The following SLIT3 variants were observed in gnomAD, a reference collection of about 807,000 sequenced individuals.
The protein encoded by SLIT3 is slit homolog 3 protein.
SLIT3 carries 68 observed loss-of-function variants against 184.0 expected under a neutral mutation model. That is an observed-to-expected ratio of 0.37 (90% CI 0.30 to 0.45). The LOEUF (loss-of-function observed/expected upper bound fraction) is 0.45, where lower values mean the gene tolerates loss of function less well. SLIT3 is among the 20% of genes least tolerant of loss of function. The probability of loss-of-function intolerance (pLI) is 1.00; values close to 1 mark genes in which losing one functional copy is unlikely to be tolerated. For synonymous variants in SLIT3, 831 were observed against 828.6 expected (o/e 1.00, Z -0.05); for missense variants, 1,707 against 2,026.0 (o/e 0.84, Z 3.02).
intron 3 of SLIT3, among the ~76,000 whole-genome samples, chr5:169,211,224 TTCTGAGGTTG>T (rs1189254933): frequency 4.0e-5 from 6 of 151,808 alleles, no homozygotes; most frequent in Admixed American, 3.3e-4. Flanking sequence ...GCCGCTGAGA[TTCTGAGGTTG>T]TCTGGCTAGA....
chr5:169,057,486 TG>T (rs940830229), intron 4 of SLIT3, among the ~76,000 whole-genome samples: 15 of 152,014 alleles, frequency 9.9e-5, no homozygotes, highest in African/African-American at 3.6e-4. Flanking sequence ...AGAAATAGAG[TG>T]CAAAAGCAGC....
chr5:168,819,556 T>C (rs1172756652), intron 7 of SLIT3, among the ~76,000 whole-genome samples: 1 of 152,200 alleles, frequency 6.6e-6, no homozygotes, highest in Admixed American at 6.6e-5. Context: ...ACAGGGATTC[T>C]CTATGAGCCA....
intron 18 of SLIT3, among the ~76,000 whole-genome samples, chr5:168,750,100 C>A (rs1327869282): frequency 6.6e-6 from 1 of 152,204 alleles, no homozygotes; most frequent in Non-Finnish European, 1.5e-5. Context: ...CTCCCCATAG[C>A]ACCCATGGGA....
At chr5:168,933,551 AAC>A (rs200067748) in intron 4 of SLIT3, among the ~76,000 whole-genome samples, 6,313 of 150,646 alleles carry the variant, frequency 0.042, 228 homozygotes, top group African/African-American at 0.094. Context: ...AAAACAAACA[AAC>A]AAAAAAAACA....
chr5:169,271,801 C>T (rs556392466), intron 1 of SLIT3, among the ~76,000 whole-genome samples: 2 of 152,294 alleles, frequency 1.3e-5, no homozygotes, highest in South Asian at 2.1e-4. Context: ...AGAGGAAGAA[C>T]CCTTGGGGCA....
At chr5:169,229,236 CA>C (rs1029797702) in intron 3 of SLIT3, among the ~76,000 whole-genome samples, 9 of 151,446 alleles carry the variant, frequency 5.9e-5, no homozygotes, top group Admixed American at 1.3e-4. Flanking sequence ...CAAATTCTAC[CA>C]AAAAAATGGA....
At chr5:169,266,927 GT>G (rs1766415743) in intron 1 of SLIT3, among the ~76,000 whole-genome samples, 2 of 152,200 alleles carry the variant, frequency 1.3e-5, no homozygotes, top group South Asian at 2.1e-4. Context: ...CTTAAGCAAT[GT>G]TTTTAAGAAG....
At chr5:168,751,243 G>A (rs1368823715) in intron 18 of SLIT3, among the ~76,000 whole-genome samples, 1 of 152,218 alleles carries the variant, frequency 6.6e-6, no homozygotes, top group Non-Finnish European at 1.5e-5. Context: ...TTGATTCCAA[G>A]TGCAGTAGGC....
intron 4 of SLIT3, among the ~76,000 whole-genome samples, chr5:168,906,296 A>G (rs957108165): frequency 3.3e-5 from 5 of 152,218 alleles, no homozygotes; most frequent in South Asian, 4.1e-4. Context: ...TGTGTTGCCC[A>G]TTGTCTCTAG....
intron 6 of SLIT3, among the ~76,000 whole-genome samples, chr5:168,827,439 T>TA (rs1757742356): frequency 6.6e-6 from 1 of 152,196 alleles, no homozygotes; most frequent in East Asian, 1.9e-4. Flanking sequence ...AACGATTTTT[T>TA]AAAAAATATA....
At chr5:169,021,821 C>A (rs1187005120) in intron 4 of SLIT3, among the ~76,000 whole-genome samples, 1 of 152,178 alleles carries the variant, frequency 6.6e-6, no homozygotes, top group African/African-American at 2.4e-5. Flanking sequence ...TTTCAAAATT[C>A]TAGACCTGCG....
At chr5:168,669,749 C>T (rs200826535) in intron 35 of SLIT3, 34 bp downstream of exon 35, 314 of 1,578,994 alleles carry the variant, frequency 2.0e-4, no homozygotes, top group Non-Finnish European at 2.5e-4. Context: ...CTCTGACCCC[C>T]ACTTCCTCCC....
intron 3 of SLIT3, among the ~76,000 whole-genome samples, chr5:169,215,183 G>GC (rs1169435624): frequency 6.6e-6 from 1 of 152,062 alleles, no homozygotes; most frequent in East Asian, 1.9e-4. Context: ...TCTGTCCTCT[G>GC]CCCCCCAGCC....
At chr5:169,072,443 GCACAAAGGCAACTCT>G (rs1480521598) in intron 4 of SLIT3, among the ~76,000 whole-genome samples, 1 of 152,188 alleles carries the variant, frequency 6.6e-6, no homozygotes, top group African/African-American at 2.4e-5. Context: ...GGATGACTCT[GCACAAAGGCAACTCT>G]CACATTATTC....
rs1036424908 is a variant in SLIT3 at position 169,019,561 on chromosome 5, A to G, written c.414-136225T>C. Among the ~76,000 whole-genome samples, 6 of 152,190 alleles carry G rather than the reference A, an allele frequency of 3.9e-5. No homozygotes were observed. The South Asian group carries it at 1.0e-3, about 26-fold the overall frequency. ...TTTCTCACATATTCCATAGGCTCATAAGTAGTTACATCCACAAATGTCAGA... is the reference window on the plus strand; with the variant it reads ...TTTCTCACATATTCCATAGGCTCATGAGTAGTTACATCCACAAATGTCAGA... On this transcript the variant is annotated intron_variant, in intron 4 of 35. Coordinates refer to ENST00000519560, the MANE Select transcript of SLIT3 (RefSeq NM_003062.4).
chr5:169,004,946 C>A (rs1438473304), intron 4 of SLIT3, among the ~76,000 whole-genome samples: 1 of 152,138 alleles, frequency 6.6e-6, no homozygotes, highest in Non-Finnish European at 1.5e-5. Context: ...TCTAGGCCAC[C>A]CAGTTTATGG....
chr5:169,120,773 T>C (rs903161486), intron 4 of SLIT3, among the ~76,000 whole-genome samples: 6 of 152,188 alleles, frequency 3.9e-5, no homozygotes, highest in African/African-American at 1.4e-4. Context: ...GTAGGTCTTC[T>C]ATTTTCCCTA....
At chr5:169,132,488 G>A (rs1761338820) in intron 4 of SLIT3, among the ~76,000 whole-genome samples, 1 of 152,074 alleles carries the variant, frequency 6.6e-6, no homozygotes. Flanking sequence ...AAATCATCTT[G>A]TGAACCAACA....
intron 4 of SLIT3, among the ~76,000 whole-genome samples, chr5:169,005,905 A>G (rs1465815013): frequency 6.6e-6 from 1 of 152,260 alleles, no homozygotes; most frequent in East Asian, 1.9e-4. Context: ...AGTGCATAGA[A>G]GTCAGCAGGG....
Sources: allele counts gnomAD v4.1 joint callset (sites outside exome capture counted in the v4.1 genomes callset), GRCh38; gene constraint gnomAD v4.1.1; transcripts MANE v1.5; gene names NCBI Gene and HGNC (gene_info 2026-07-23, HGNC 2026-07-21).